P2RX1: variants seen among roughly 807,000 people sequenced by gnomAD.
P2RX1 encodes purinergic receptor P2X 1, also known as P2X purinoceptor 1.
Under a neutral mutation model 50.3 loss-of-function variants are expected in P2RX1, and 42 were observed. The ratio of observed to expected loss-of-function variants is 0.83; its 90% CI spans 0.65 to 1.08. P2RX1 has a LOEUF of 1.08. Ranked by LOEUF, P2RX1 falls within the 50% of genes least tolerant of loss-of-function variation. P2RX1 has a pLI of 0.00. For synonymous variants in P2RX1, 199 were observed against 202.6 expected, an observed-to-expected ratio of 0.98 and a Z score of 0.15; for missense variants, 449 against 529.0, an observed-to-expected ratio of 0.85 and a Z score of 1.48.
At position 3,897,997 on chromosome 17, in the gene P2RX1, G is replaced by T. The variant is rs1230316460; in HGVS notation, c.1134+12C>A. On this transcript the variant is annotated intron_variant, in intron 11 of 11. Transcript: ENST00000225538. ...AGGCCTTCGAAGGGCCTGGCTCGGG[G>T]GGTTCTCTTACCGCCCCTGGCCCCA... The T allele has an allele frequency of 1.2e-6, 2 of 1,612,842 alleles. No homozygotes were observed. Among genetic ancestry groups the T allele is most frequent in the South Asian group, 1.1e-5 (1 of 91,060 alleles).
intron 8 of P2RX1, 61 bp from the exon 9 acceptor site, chr17:3,899,085 C>T (rs1301139166): frequency 1.7e-6 from 2 of 1,156,564 alleles, no homozygotes; most frequent in East Asian, 4.7e-5. Context: ...GTCTGGAGTT[C>T]TTAGCGCATC....
Position 3,903,809 on chromosome 17 carries a change from T to C in P2RX1, c.524+119A>G, listed in dbSNP as rs1394927906. The C allele has an allele frequency of 4.6e-6, 5 of 1,092,808 alleles. No individual in the cohort carries two copies. The allele number at this position is 1,092,808 out of a possible 1,614,324, so 67.7% of individuals were successfully genotyped here. ...GACCCAGGGGAATCTTCAGCCTAGG[T>C]TGCGCGGATGGGGTGAGGGTGGGGT... On this transcript the variant is annotated intron_variant, in intron 5 of 11. Transcript: ENST00000225538. This position sits in a 1 kb window ranked among gnomAD's most constrained non-coding sequence, Gnocchi z 4.6.
chr17:3,908,918 A>G (rs2056314638), intron 1 of P2RX1, among the ~76,000 whole-genome samples: 1 of 152,226 alleles, frequency 6.6e-6, no homozygotes, highest in Non-Finnish European at 1.5e-5. Flanking sequence ...AGGTGACGCC[A>G]CCTACCTCAA....
At chr17:3,909,378 A>G (rs1254795287) in intron 1 of P2RX1, among the ~76,000 whole-genome samples, 2 of 152,152 alleles carry the variant, frequency 1.3e-5, no homozygotes, top group Non-Finnish European at 2.9e-5. Context: ...CTCAGTGGGC[A>G]CATATAATGA....
chr17:3,903,546 C>T lies in P2RX1; in HGVS notation c.605+5G>A, dbSNP rs370913464. The T allele has an allele frequency of 4.3e-6, 7 of 1,613,872 alleles. No individual in the cohort carries two copies. Among genetic ancestry groups the T allele is most frequent in the East Asian group, 2.2e-5 (1 of 44,902 alleles). On this transcript the variant is annotated splice_donor_5th_base_variant and intron_variant, in intron 6 of 11. Coordinates refer to ENST00000225538, the MANE Select transcript of P2RX1 (RefSeq NM_002558.4). This position sits in a 1 kb window ranked among gnomAD's most constrained non-coding sequence, Gnocchi z 4.6. Reference sequence around the variant, plus strand: ...CCTGCATTTCTGCCCGAATTTCCCACGCACCTGTTGACCTTGAAGCGTGGA... The same window carrying T: ...CCTGCATTTCTGCCCGAATTTCCCATGCACCTGTTGACCTTGAAGCGTGGA...
rs2056101164 is a variant in P2RX1 at position 3,899,725 on chromosome 17, C to T, written c.784G>A (p.Asp262Asn). Residue 262 changes from aspartate to asparagine, a missense_variant, in exon 8 of 12, where the codon GAC becomes AAC. Transcript: ENST00000225538. ...VVGITIDWHC[D>N]LDWHVRHCRP... Reference sequence around the variant, plus strand: ...CAGTGCCGTACGTGCCAGTCCAGGTCACAGTGCCAGTCGATGGTGATGCCA... The same window carrying T: ...CAGTGCCGTACGTGCCAGTCCAGGTTACAGTGCCAGTCGATGGTGATGCCA... 2 of 1,613,874 alleles carry T rather than the reference C, an allele frequency of 1.2e-6. No individual in the cohort carries two copies. Among genetic ancestry groups the T allele is most frequent in the African/African-American group, 1.3e-5 (1 of 74,910 alleles).
chr17:3,915,062 G>A (rs551618882), intron 1 of P2RX1, among the ~76,000 whole-genome samples: 6 of 152,232 alleles, frequency 3.9e-5, no homozygotes, highest in South Asian at 4.1e-4. Context: ...GTTCTGGTTC[G>A]GAACCATGGT....
Position 3,914,693 on chromosome 17 carries a change from A to G in P2RX1, c.137+1396T>C, listed in dbSNP as rs1406008368. Among the ~76,000 whole-genome samples the G allele has an allele frequency of 6.6e-6, 1 of 152,164 alleles. No homozygotes were observed. Among genetic ancestry groups the G allele is most frequent in the African/African-American group, 2.4e-5 (1 of 41,440 alleles). ...TCAGTGCCCAGTAGAAAGGATCCAC[A>G]GCCCCTTGTGATGGTGAGGAAGGAG... On this transcript the variant is annotated intron_variant, in intron 1 of 11. Transcript: ENST00000225538. This position sits in a 1 kb window ranked among gnomAD's most constrained non-coding sequence, Gnocchi z 4.1.
intron 1 of P2RX1, among the ~76,000 whole-genome samples, chr17:3,907,854 A>G (rs1413721147): frequency 6.6e-6 from 1 of 152,064 alleles, no homozygotes; most frequent in Non-Finnish European, 1.5e-5. Context: ...TTCTGTGTCC[A>G]AGCCAGAAGG....
At position 3,916,417 on chromosome 17, in the gene P2RX1, A is replaced by T; in HGVS notation, c.-192T>A. Reference sequence around the variant, plus strand: ...CTGGAGGCACTTGGGTTGGAGAGAGAATCCCTGGGTGATCAGAGCAGCTCT... The same window carrying T: ...CTGGAGGCACTTGGGTTGGAGAGAGTATCCCTGGGTGATCAGAGCAGCTCT... On this transcript the variant is annotated 5_prime_UTR_variant, in exon 1 of 12. Coordinates refer to ENST00000225538, the MANE Select transcript of P2RX1 (RefSeq NM_002558.4). The T allele has an allele frequency of 1.6e-6, 1 of 609,424 alleles. No individual in the cohort carries two copies. The highest frequency in any genetic ancestry group is 2.9e-6 in the Non-Finnish European group (1 of 346,620). 37.8% of individuals were successfully genotyped at this position (609,424 alleles called of 1,614,324 possible). A position where few individuals can be genotyped will look rare whatever the true frequency, so the allele number is the denominator to read the frequency against.
rs762864756 is a variant in P2RX1 at position 3,899,769 on chromosome 17, G to A, written c.748-8C>T. On this transcript the variant is annotated splice_polypyrimidine_tract_variant and splice_region_variant and intron_variant, in intron 7 of 11. Coordinates refer to ENST00000225538, the MANE Select transcript of P2RX1 (RefSeq NM_002558.4). ...GATGCCAACCACTCCACCCTGCCAG[G>A]GACACAAGTAGTTAAGATCTGGGAT... 19 of 1,612,922 alleles carry A rather than the reference G, an allele frequency of 1.2e-5. No individual in the cohort carries two copies. Among genetic ancestry groups the A allele is most frequent in the Non-Finnish European group, 1.5e-5 (18 of 1,179,374 alleles).
In P2RX1 at chr17:3,905,629, C is replaced by T. The variant is rs561297513; in HGVS notation, c.138-262G>A. Among the ~76,000 whole-genome samples, 19 of 152,258 alleles carry T rather than the reference C, an allele frequency of 1.2e-4. 2 individuals are homozygous for T. The South Asian group carries it at 3.7e-3, about 30-fold the overall frequency. Reference sequence around the variant, plus strand: ...TTGGGAGGCCGAGGCGGGTGGATCACCTGAGGTCAGGAATTTGAGACCAGC... The same window carrying T: ...TTGGGAGGCCGAGGCGGGTGGATCATCTGAGGTCAGGAATTTGAGACCAGC... On this transcript the variant is annotated intron_variant, in intron 1 of 11. Coordinates refer to ENST00000225538, the MANE Select transcript of P2RX1 (RefSeq NM_002558.4).
At chr17:3,905,779 G>A (rs1024174708) in intron 1 of P2RX1, among the ~76,000 whole-genome samples, 11 of 151,094 alleles carry the variant, frequency 7.3e-5, no homozygotes, top group African/African-American at 2.2e-4. Flanking sequence ...CCCAGGAGCC[G>A]GAGGTTGCAG....
At position 3,905,453 on chromosome 17, in the gene P2RX1, C is replaced by T. The variant is rs1421506497; in HGVS notation, c.138-86G>A. 4.7e-6 allele frequency: 7 copies of T among 1,479,166 alleles called. No individual in the cohort carries two copies. The East Asian group carries it at 1.6e-4, about 34-fold the overall frequency. 91.6% of individuals were successfully genotyped at this position (1,479,166 alleles called of 1,614,324 possible). A position where few individuals can be genotyped will look rare whatever the true frequency, so the allele number is the denominator to read the frequency against. Reference sequence around the variant, plus strand: ...CTTTCCCACGCCCTCCCCAGATGTGCCTCTGAGCCACCATCTGCTCCTAAA... The same window carrying T: ...CTTTCCCACGCCCTCCCCAGATGTGTCTCTGAGCCACCATCTGCTCCTAAA... On this transcript the variant is annotated intron_variant, in intron 1 of 11. Coordinates refer to ENST00000225538, the MANE Select transcript of P2RX1 (RefSeq NM_002558.4).
intron 1 of P2RX1, chr17:3,915,271 A>C (rs2056429421): frequency 5.6e-6 from 2 of 359,980 alleles, no homozygotes; most frequent in South Asian, 4.1e-5. Context: ...ACTTGGCCAC[A>C]GGGCAGACAT....
At chr17:3,905,093 G>C in intron 2 of P2RX1, 127 bp downstream of exon 2, 1 of 1,349,024 alleles carries the variant, frequency 7.4e-7, no homozygotes, top group Non-Finnish European at 1.0e-6. Context: ...GGCTGCTTCT[G>C]CCCGGCATTC....
chr17:3,914,698 C>T lies in P2RX1; in HGVS notation c.137+1391G>A, dbSNP rs2056420667. Among the ~76,000 whole-genome samples the T allele has an allele frequency of 6.6e-6, 1 of 152,140 alleles. No homozygotes were observed. The highest frequency in any genetic ancestry group is 1.5e-5 in the Non-Finnish European group (1 of 68,014). ...GCCCAGTAGAAAGGATCCACAGCCC[C>T]TTGTGATGGTGAGGAAGGAGAAGGC... On this transcript the variant is annotated intron_variant, in intron 1 of 11. Coordinates refer to ENST00000225538, the MANE Select transcript of P2RX1 (RefSeq NM_002558.4). This position sits in a 1 kb window ranked among gnomAD's most constrained non-coding sequence, Gnocchi z 4.1.
At chr17:3,898,582 C>T (rs1209863224) in intron 9 of P2RX1, 33 bp from the exon 10 acceptor site, 2 of 1,566,534 alleles carry the variant, frequency 1.3e-6, no homozygotes, top group South Asian at 1.1e-5. Flanking sequence ...GAAGGGCTAA[C>T]CGTCGGAAGG....
In P2RX1 at chr17:3,903,414, G is replaced by A; in HGVS notation, c.606-71C>T. ...GGGTGCCCACCACGCCCCAAAGCCTGGGGACCCCTCACAGGCTCCACATTG... is the reference window on the plus strand; with the variant it reads ...GGGTGCCCACCACGCCCCAAAGCCTAGGGACCCCTCACAGGCTCCACATTG... On this transcript the variant is annotated intron_variant, in intron 6 of 11. Coordinates refer to ENST00000225538, the MANE Select transcript of P2RX1 (RefSeq NM_002558.4). The surrounding 1 kb of genome is among the most constrained non-coding windows in gnomAD (Gnocchi z 4.6). The A allele has an allele frequency of 6.2e-7, 1 of 1,606,724 alleles. No individual in the cohort carries two copies.
Sources: allele counts gnomAD v4.1 joint callset (sites outside exome capture counted in the v4.1 genomes callset), GRCh38; gene constraint gnomAD v4.1.1; non-coding constraint Gnocchi (gnomAD v3.1); transcripts MANE v1.5; gene names NCBI Gene and HGNC (gene_info 2026-07-23, HGNC 2026-07-21).